The following MYMX variants were observed in gnomAD, a reference collection of about 807,000 sequenced individuals.
MYMX encodes myomixer, myoblast fusion factor.
chr6:44,216,331 A>G (rs1775861110), upstream of MYMX, among the ~76,000 whole-genome samples: 1 of 152,338 alleles, frequency 6.6e-6, no homozygotes. Context: ...AGAAGAGTCA[A>G]CGTTCTTAAG....
chr6:44,214,521 C>T (rs1237474969), upstream of MYMX, among the ~76,000 whole-genome samples: 3 of 152,196 alleles, frequency 2.0e-5, no homozygotes, highest in African/African-American at 4.8e-5. Flanking sequence ...CCAGTTTCTT[C>T]GTTTGTACAA....
At chr6:44,195,962 A>G in the MYMX span, among the ~76,000 whole-genome samples, 49,964 of 151,676 alleles carry the variant, frequency 0.33, 8,527 homozygotes, top group African/African-American at 0.41. Context: ...TTTTTTTTGA[A>G]ACAGAGTCTC....
the MYMX span, among the ~76,000 whole-genome samples, chr6:44,205,262 C>T: frequency 0.035 from 5,324 of 151,982 alleles, 312 homozygotes; most frequent in African/African-American, 0.12. Flanking sequence ...ATTAGTCTTG[C>T]GGGCAACCCC....
At chr6:44,204,713 T>G in the MYMX span, among the ~76,000 whole-genome samples, 1 of 152,314 alleles carries the variant, frequency 6.6e-6, no homozygotes, top group East Asian at 1.9e-4. Flanking sequence ...CACCCTCTTA[T>G]GTCTCCATCA....
At chr6:44,195,009 T>TTATTTA in the MYMX span, among the ~76,000 whole-genome samples, 1 of 151,982 alleles carries the variant, frequency 6.6e-6, no homozygotes, top group Non-Finnish European at 1.5e-5. Flanking sequence ...TTCTTTTTAT[T>TTATTTA]TATTTATTTA....
the MYMX span, among the ~76,000 whole-genome samples, chr6:44,204,597 G>A: frequency 1.4e-3 from 218 of 152,288 alleles, no homozygotes; most frequent in African/African-American, 5.0e-3. Flanking sequence ...TCACGGGAGA[G>A]GGTATCTATA....
At chr6:44,216,399 CA>C (rs1186118990), upstream of MYMX, among the ~76,000 whole-genome samples, 5 of 151,938 alleles carry the variant, frequency 3.3e-5, no homozygotes, top group Non-Finnish European at 7.4e-5. Flanking sequence ...CCTATAATCT[CA>C]GCACTTTGAG....
chr6:44,217,925 A>T lies in MYMX; in HGVS notation c.*199A>T, dbSNP rs1775970529. ...TGGAAGAATGCCTTGCATCTAGCAC[A>T]AAACTGATTATTGCCCCTCTGTCCT... On this transcript the variant is annotated 3_prime_UTR_variant, in exon 2 of 2. Coordinates refer to ENST00000573382, the MANE Select transcript of MYMX (RefSeq NM_001315494.2). 1 of 393,554 alleles carries T rather than the reference A, an allele frequency of 2.5e-6. No homozygotes were observed. The highest frequency in any genetic ancestry group is 4.5e-6 in the Non-Finnish European group (1 of 223,312). 24.4% of individuals were successfully genotyped at this position (393,554 alleles called of 1,614,324 possible). A position where few individuals can be genotyped will look rare whatever the true frequency, so the allele number is the denominator to read the frequency against.
At chr6:44,192,947 G>A in the MYMX span, among the ~76,000 whole-genome samples, 10 of 152,304 alleles carry the variant, frequency 6.6e-5, no homozygotes, top group South Asian at 8.3e-4. Flanking sequence ...CCCAGCTAAC[G>A]TGACCGCTTC....
upstream of MYMX, among the ~76,000 whole-genome samples, chr6:44,213,534 G>A (rs535488583): frequency 6.7e-6 from 1 of 149,202 alleles, no homozygotes; most frequent in Non-Finnish European, 1.5e-5. Context: ...CAATTCTCCT[G>A]TCTCAGCTTC....
the MYMX span, among the ~76,000 whole-genome samples, chr6:44,208,510 C>T: frequency 6.6e-6 from 1 of 152,272 alleles, no homozygotes; most frequent in Non-Finnish European, 1.5e-5. Context: ...GAAGATCTCT[C>T]GGATCTCTAG....
At chr6:44,202,854 G>T in the MYMX span, among the ~76,000 whole-genome samples, 1 of 152,258 alleles carries the variant, frequency 6.6e-6, no homozygotes, top group Admixed American at 6.5e-5. Context: ...GTTCCCCATT[G>T]TTCCCAGAGA....
At chr6:44,212,144 A>AGGCTGAGGCGGGAGGGTCACTTG (rs535461182), upstream of MYMX, among the ~76,000 whole-genome samples, 1 of 151,894 alleles carries the variant, frequency 6.6e-6, no homozygotes, top group African/African-American at 2.4e-5. Flanking sequence ...GCACTTTGAG[A>AGGCTGAGGCGGGAGGGTCACTTG]GGCTGAGGCG....
chr6:44,209,530 T>C, the MYMX span, among the ~76,000 whole-genome samples: 2 of 152,240 alleles, frequency 1.3e-5, no homozygotes, highest in Non-Finnish European at 2.9e-5. Context: ...TTGTCTAATG[T>C]TTCATAAGAT....
the MYMX span, among the ~76,000 whole-genome samples, chr6:44,207,760 A>G: frequency 2.6e-5 from 4 of 150,960 alleles, no homozygotes; most frequent in Admixed American, 6.6e-5. Flanking sequence ...CGAACTCCCT[A>G]CCTCAGGTGA....
chr6:44,202,912 C>T, the MYMX span, among the ~76,000 whole-genome samples: 6 of 152,224 alleles, frequency 3.9e-5, no homozygotes, highest in Non-Finnish European at 8.8e-5. Flanking sequence ...GCCCAGGAAT[C>T]TCTCACTCTG....
At chr6:44,202,428 A>AAT in the MYMX span, among the ~76,000 whole-genome samples, 1 of 137,504 alleles carries the variant, frequency 7.3e-6, no homozygotes, top group South Asian at 2.4e-4. Flanking sequence ...TCCAGATACT[A>AAT]TTTTTTTTTT....
chr6:44,201,924 G>T, the MYMX span, among the ~76,000 whole-genome samples: 1 of 152,346 alleles, frequency 6.6e-6, no homozygotes, highest in East Asian at 1.9e-4. Flanking sequence ...GGGTCCCAGA[G>T]CCAGCATGTG....
upstream of MYMX, among the ~76,000 whole-genome samples, chr6:44,215,333 G>A (rs1237093734): frequency 6.6e-6 from 1 of 152,194 alleles, no homozygotes; most frequent in African/African-American, 2.4e-5. Flanking sequence ...AACACTTTGG[G>A]AGGCAAAGGT....
Sources: gnomAD v4.1 joint callset for allele counts (sites outside exome capture counted in the v4.1 genomes callset) on GRCh38, gnomAD v4.1.1 for gene constraint, MANE v1.5 for transcripts, NCBI Gene and HGNC (gene_info 2026-07-23, HGNC 2026-07-21) for gene names.